MAML3: variants seen among roughly 807,000 people sequenced by gnomAD.
MAML3 encodes the protein mastermind-like protein 3.
MAML3 carries 27 observed loss-of-function variants against 101.9 expected under a neutral mutation model. The ratio of observed to expected loss-of-function variants is 0.27; its 90% CI spans 0.20 to 0.37. The LOEUF (loss-of-function observed/expected upper bound fraction) is 0.37, where lower values mean the gene tolerates loss of function less well. MAML3 is among the 10% of genes least tolerant of loss of function. The pLI is 1.00. For synonymous variants in MAML3, 501 were observed against 555.9 expected (o/e 0.90, Z 1.39); for missense variants, 1,316 against 1,444.9 (o/e 0.91, Z 1.45).
At chr4:140,129,639 C>T (rs1415834033) in intron 1 of MAML3, among the ~76,000 whole-genome samples, 4 of 152,180 alleles carry the variant, frequency 2.6e-5, no homozygotes, top group Non-Finnish European at 2.9e-5. Flanking sequence ...CATACAGCAA[C>T]GAAAAGACCC....
intron 1 of MAML3, among the ~76,000 whole-genome samples, chr4:139,931,796 G>T (rs1193713492): frequency 6.6e-6 from 1 of 151,878 alleles, no homozygotes; most frequent in African/African-American, 2.4e-5. Flanking sequence ...GGTCACCTGA[G>T]GTCAGGAGTT....
rs532904850 is a variant in MAML3, at chr4:139,824,143, T to C, written c.2079+65214A>G. Among the ~76,000 whole-genome samples, 144 of 152,300 alleles carry C rather than the reference T, an allele frequency of 9.5e-4. 1 individual carries two copies. Among genetic ancestry groups the C allele is most frequent in the African/African-American group, 3.3e-3 (136 of 41,556 alleles). On this transcript the variant is annotated intron_variant, in intron 2 of 4. Coordinates refer to ENST00000509479, the MANE Select transcript of MAML3 (RefSeq NM_018717.5). ...TGACCATCGACACCCCACCCCCAGC[T>C]TGGAATTTATTTCAGAAGGAAATAA...
rs1037364521 is a variant in MAML3, at chr4:140,122,658, G to A, written c.468+30202C>T. On this transcript the variant is annotated intron_variant, in intron 1 of 4. Coordinates refer to ENST00000509479, the MANE Select transcript of MAML3 (RefSeq NM_018717.5). The stretch of plus-strand genomic sequence containing the variant: ...ATACAAAAAATTAGCCGGGCGTAGT[G>A]GCGGGCGCCTGTAGTCCCAGCTACT... Among the ~76,000 whole-genome samples the A allele has an allele frequency of 2.0e-5, 3 of 150,892 alleles. No individual in the cohort carries two copies. In the South Asian group the frequency reaches 6.2e-4, roughly 31 times the overall value.
intron 1 of MAML3, among the ~76,000 whole-genome samples, chr4:140,069,583 G>A (rs1449333516): frequency 7.3e-6 from 1 of 136,498 alleles, no homozygotes; most frequent in Non-Finnish European, 1.6e-5. Flanking sequence ...GGAGGAGGAG[G>A]AGGAGGAAGA....
At position 140,040,922 on chromosome 4, in the gene MAML3, A is replaced by G. The variant is rs371212934; in HGVS notation, c.468+111938T>C. The stretch of plus-strand genomic sequence containing the variant: ...ATTCAACTCAAGTCCCTGAGAGAAC[A>G]GAACTACAATTACTATTTAGCGAGT... On this transcript the variant is annotated intron_variant, in intron 1 of 4. Coordinates refer to ENST00000509479, the MANE Select transcript of MAML3 (RefSeq NM_018717.5). Among the ~76,000 whole-genome samples the G allele has an allele frequency of 6.4e-4, 97 of 152,242 alleles. No individual in the cohort carries two copies. In the Middle Eastern group the frequency reaches 0.017, roughly 27 times the overall value.
chr4:139,721,689 A>G (rs1418184315), intron 4 of MAML3, among the ~76,000 whole-genome samples: 2 of 152,378 alleles, frequency 1.3e-5, no homozygotes, highest in East Asian at 3.9e-4. Flanking sequence ...GATCAATATC[A>G]TACTGCATTG....
intron 2 of MAML3, among the ~76,000 whole-genome samples, chr4:139,830,331 C>A (rs1372131124): frequency 6.6e-6 from 1 of 151,636 alleles, no homozygotes; most frequent in East Asian, 1.9e-4. Context: ...TCAAAATAAT[C>A]AATGATCCTA....
intron 1 of MAML3, among the ~76,000 whole-genome samples, chr4:140,098,685 C>G (rs1728200705): frequency 6.6e-6 from 1 of 152,254 alleles, no homozygotes; most frequent in Non-Finnish European, 1.5e-5. Flanking sequence ...TTCACGCTGC[C>G]CATGAGTCCT....
intron 1 of MAML3, among the ~76,000 whole-genome samples, chr4:139,990,440 TATC>T (rs1425319726): frequency 1.3e-5 from 2 of 150,594 alleles, no homozygotes; most frequent in Non-Finnish European, 3.0e-5. Context: ...CCACAGCCAA[TATC>T]ATACTGAATG....
At chr4:139,996,533 A>C (rs1734817807) in intron 1 of MAML3, among the ~76,000 whole-genome samples, 1 of 152,122 alleles carries the variant, frequency 6.6e-6, no homozygotes, top group African/African-American at 2.4e-5. Flanking sequence ...ATAATTATGA[A>C]ATATCCCTGT....
At chr4:139,721,577 C>T (rs1187734778) in intron 4 of MAML3, among the ~76,000 whole-genome samples, 1 of 152,104 alleles carries the variant, frequency 6.6e-6, no homozygotes, top group Non-Finnish European at 1.5e-5. Context: ...CCTGATGTGG[C>T]TATTGATTTC....
At chr4:139,900,843 G>C (rs1490502674) in intron 1 of MAML3, among the ~76,000 whole-genome samples, 3 of 152,164 alleles carry the variant, frequency 2.0e-5, no homozygotes, top group Admixed American at 2.0e-4. Flanking sequence ...AATTGACTGA[G>C]AGCTAACCAG....
chr4:139,819,832 A>G (rs1343397044), intron 2 of MAML3, among the ~76,000 whole-genome samples: 3 of 76,332 alleles, frequency 3.9e-5, no homozygotes, highest in Non-Finnish European at 1.2e-4. Context: ...CTTTATGACA[A>G]AAGTCCTTCC....
intron 1 of MAML3, among the ~76,000 whole-genome samples, chr4:140,065,827 C>G (rs1325877869): frequency 1.3e-5 from 2 of 152,168 alleles, no homozygotes; most frequent in East Asian, 3.8e-4. Flanking sequence ...ACCTCACCAC[C>G]ACGATTCCCA....
intron 2 of MAML3, among the ~76,000 whole-genome samples, chr4:139,827,182 G>A (rs1451327955): frequency 1.3e-5 from 2 of 152,114 alleles, no homozygotes; most frequent in Non-Finnish European, 2.9e-5. Flanking sequence ...TAGAAAATAG[G>A]GAGGTGTATG....
chr4:139,811,582 G>A (rs1183754032), intron 2 of MAML3, among the ~76,000 whole-genome samples: 1 of 152,146 alleles, frequency 6.6e-6, no homozygotes, highest in Non-Finnish European at 1.5e-5. Flanking sequence ...AGCTCCAAGT[G>A]GAAATATTCC....
chr4:139,922,145 T>C (rs1007041087), intron 1 of MAML3, among the ~76,000 whole-genome samples: 1 of 152,086 alleles, frequency 6.6e-6, no homozygotes, highest in African/African-American at 2.4e-5. Flanking sequence ...AGCCTGTTAG[T>C]AATACTGTCT....
chr4:140,006,478 C>G (rs1170161937), intron 1 of MAML3, among the ~76,000 whole-genome samples: 1 of 150,356 alleles, frequency 6.7e-6, no homozygotes, highest in East Asian at 2.0e-4. Context: ...CCCAGTTACT[C>G]TGGAGGCTGA....
chr4:140,111,330 G>A (rs1262579443), intron 1 of MAML3, among the ~76,000 whole-genome samples: 1 of 152,162 alleles, frequency 6.6e-6, no homozygotes, highest in East Asian at 1.9e-4. Flanking sequence ...GACAGTATGA[G>A]ATGCAACTGA....
Sources: gnomAD v4.1 joint callset for allele counts (sites outside exome capture counted in the v4.1 genomes callset) on GRCh38, gnomAD v4.1.1 for gene constraint, MANE v1.5 for transcripts, NCBI Gene and HGNC (gene_info 2026-07-23, HGNC 2026-07-21) for gene names.